GPC6: variants seen among roughly 807,000 people sequenced by gnomAD.
The protein encoded by GPC6 is glypican-6.
GPC6 carries 14 observed loss-of-function variants against 55.2 expected under a neutral mutation model. The observed-to-expected ratio is 0.25, with a 90% CI of 0.17 to 0.40. GPC6 has a LOEUF of 0.40. Among genes scored for constraint, GPC6 ranks in the 10% least tolerant of loss-of-function variants. The probability of loss-of-function intolerance (pLI) is 1.00; values close to 1 mark genes in which losing one functional copy is unlikely to be tolerated. For synonymous variants in GPC6, 278 were observed against 259.6 expected, an observed-to-expected ratio of 1.07 and a Z score of -0.68; for missense variants, 641 against 708.5, an observed-to-expected ratio of 0.90 and a Z score of 1.08.
chr13:93,380,975 A>G (rs1875144528), intron 1 of GPC6, among the ~76,000 whole-genome samples: 1 of 152,160 alleles, frequency 6.6e-6, no homozygotes, highest in South Asian at 2.1e-4. Context: ...ACCGACTGGC[A>G]TTCTACTAAA....
chr13:93,461,634 G>A (rs1227924491), intron 1 of GPC6, among the ~76,000 whole-genome samples: 11 of 108,562 alleles, frequency 1.0e-4, no homozygotes, highest in African/African-American at 4.0e-4. Flanking sequence ...CAAGCCATAT[G>A]TTTCATAGCT....
intron 6 of GPC6, among the ~76,000 whole-genome samples, chr13:94,323,854 C>A (rs998888398): frequency 4.6e-5 from 7 of 152,068 alleles, no homozygotes; most frequent in African/African-American, 1.7e-4. Flanking sequence ...AACTCAAAGC[C>A]TGTAGGTAAA....
chr13:93,963,200 A>G (rs1270308916), intron 3 of GPC6, among the ~76,000 whole-genome samples: 1 of 152,158 alleles, frequency 6.6e-6, no homozygotes, highest in African/African-American at 2.4e-5. Flanking sequence ...AAACAAAATC[A>G]TGAACCATGG....
At chr13:94,265,146 G>C (rs765806272) in intron 4 of GPC6, among the ~76,000 whole-genome samples, 2 of 152,166 alleles carry the variant, frequency 1.3e-5, no homozygotes, top group African/African-American at 4.8e-5. Context: ...AGGAGAATCC[G>C]GTGGTTAGAT....
At chr13:93,258,190 C>T (rs534974286) in intron 1 of GPC6, among the ~76,000 whole-genome samples, 2 of 152,314 alleles carry the variant, frequency 1.3e-5, no homozygotes, top group Admixed American at 1.3e-4. Context: ...CTTTCCCCAG[C>T]TCCTTTGCAT....
intron 3 of GPC6, among the ~76,000 whole-genome samples, chr13:93,865,650 C>T (rs1256453522): frequency 6.6e-6 from 1 of 151,712 alleles, no homozygotes. Context: ...ATATATTTAC[C>T]TTCTCTCATC....
At chr13:93,634,935 A>C (rs936600088) in intron 2 of GPC6, among the ~76,000 whole-genome samples, 6 of 152,192 alleles carry the variant, frequency 3.9e-5, no homozygotes, top group Admixed American at 3.9e-4. Flanking sequence ...AATCCACCAC[A>C]AACCTATGTA....
At chr13:93,851,816 C>T (rs1379377460) in intron 3 of GPC6, among the ~76,000 whole-genome samples, 1 of 151,714 alleles carries the variant, frequency 6.6e-6, no homozygotes, top group African/African-American at 2.4e-5. Flanking sequence ...TTATATCCTT[C>T]TGCCACTTGT....
At chr13:93,674,251 C>A (rs529246791) in intron 2 of GPC6, among the ~76,000 whole-genome samples, 2 of 152,096 alleles carry the variant, frequency 1.3e-5, no homozygotes, top group Non-Finnish European at 2.9e-5. Context: ...ACAGTGTCAT[C>A]CCATTATTTC....
intron 6 of GPC6, among the ~76,000 whole-genome samples, chr13:94,359,538 T>C (rs1445820757): frequency 1.3e-5 from 2 of 152,146 alleles, no homozygotes; most frequent in African/African-American, 4.8e-5. Context: ...ACTATGACTT[T>C]CCAGTGCATC....
chr13:93,579,637 ATTTTAAAG>A (rs993046552), intron 2 of GPC6, among the ~76,000 whole-genome samples: 27 of 152,146 alleles, frequency 1.8e-4, no homozygotes, highest in African/African-American at 6.3e-4. Context: ...TTTTGCTGGG[ATTTTAAAG>A]TATAATTTGG....
At chr13:93,305,628 A>G (rs1878831750) in intron 1 of GPC6, among the ~76,000 whole-genome samples, 3 of 152,176 alleles carry the variant, frequency 2.0e-5, no homozygotes. Flanking sequence ...ATATTGTTCC[A>G]TCCTAAATGT....
intron 1 of GPC6, among the ~76,000 whole-genome samples, chr13:93,328,464 A>T (rs1879730919): frequency 6.6e-6 from 1 of 152,110 alleles, no homozygotes; most frequent in Non-Finnish European, 1.5e-5. Flanking sequence ...GCTTGAGCCC[A>T]GGAGTTCGAG....
chr13:94,107,029 C>T (rs575367983), intron 4 of GPC6, among the ~76,000 whole-genome samples: 2 of 152,150 alleles, frequency 1.3e-5, no homozygotes, highest in African/African-American at 4.8e-5. Context: ...GAGGAGTTGG[C>T]AAGACCCAAC....
intron 3 of GPC6, among the ~76,000 whole-genome samples, chr13:93,934,709 C>T (rs1272914130): frequency 3.3e-5 from 5 of 150,896 alleles, no homozygotes; most frequent in Admixed American, 2.6e-4. Flanking sequence ...TAATATGTGA[C>T]CATAGTGTCT....
chr13:94,223,553 T>G (rs1890451132), intron 4 of GPC6, among the ~76,000 whole-genome samples: 1 of 152,176 alleles, frequency 6.6e-6, no homozygotes, highest in Non-Finnish European at 1.5e-5. Flanking sequence ...CCTTTGCTAT[T>G]CTGCCAAGAT....
intron 4 of GPC6, among the ~76,000 whole-genome samples, chr13:94,129,971 T>G (rs1886952147): frequency 6.6e-6 from 1 of 152,166 alleles, no homozygotes; most frequent in Non-Finnish European, 1.5e-5. Context: ...TTCATACCAT[T>G]TTGCAGATTG....
intron 7 of GPC6, among the ~76,000 whole-genome samples, chr13:94,396,995 G>T (rs578030116): frequency 2.9e-4 from 44 of 152,276 alleles, no homozygotes; most frequent in South Asian, 6.2e-4. Flanking sequence ...TAGATTTGCT[G>T]TTGGGCTGAA....
chr13:93,519,243 T>C (rs1594231574), intron 1 of GPC6, among the ~76,000 whole-genome samples: 1 of 152,022 alleles, frequency 6.6e-6, no homozygotes, highest in African/African-American at 2.4e-5. Flanking sequence ...ATAGAATAGG[T>C]TTTAGAATTT....
Sources: allele counts gnomAD v4.1 joint callset (sites outside exome capture counted in the v4.1 genomes callset), GRCh38; gene constraint gnomAD v4.1.1; transcripts MANE v1.5; gene names NCBI Gene and HGNC (gene_info 2026-07-23, HGNC 2026-07-21).